WEE1: variants seen among roughly 807,000 people sequenced by gnomAD.
WEE1 encodes wee1-like protein kinase.
Under a neutral mutation model 68.8 loss-of-function variants are expected in WEE1, and 16 were observed. The ratio of observed to expected loss-of-function variants is 0.23; its 90% CI spans 0.16 to 0.35. The LOEUF is 0.35. Among genes scored for constraint, WEE1 ranks in the 10% least tolerant of loss-of-function variants. WEE1 has a pLI of 1.00. For missense variants in WEE1, 651 were observed against 824.1 expected (o/e 0.79, Z 2.57); for synonymous variants, 349 against 318.7 (o/e 1.09, Z -1.01).
intron 1 of WEE1, chr11:9,575,083 A>G: frequency 7.1e-6 from 7 of 985,530 alleles, no homozygotes; most frequent in Non-Finnish European, 8.4e-6. Flanking sequence ...CTACAGACTC[A>G]TCCTAAGTCC....
chr11:9,574,534 C>T lies in WEE1; in HGVS notation c.576+25C>T. 20 of 1,188,450 alleles carry T rather than the reference C, an allele frequency of 1.7e-5. No individual in the cohort carries two copies. The highest frequency in any genetic ancestry group is 2.0e-5 in the Non-Finnish European group (19 of 965,966). 73.6% of individuals were successfully genotyped at this position (1,188,450 alleles called of 1,614,324 possible). A position where few individuals can be genotyped will look rare whatever the true frequency, so the allele number is the denominator to read the frequency against. ...GGTGAGAGCGGCGGGCGCGGGCACC[C>T]GGCGGCCGGGGCCGCGGCGCCGGAG... On this transcript the variant is annotated intron_variant, in intron 1 of 10. Transcript: ENST00000450114. This position sits in a 1 kb window ranked among gnomAD's most constrained non-coding sequence, Gnocchi z 4.9.
chr11:9,589,971 T>G lies in WEE1; in HGVS notation c.*1369T>G, dbSNP rs904910909. ...TTCAAATTATTAAGTGAATATAATA[T>G]GATTCATAACTTTCTGATTTGTACT... On this transcript the variant is annotated 3_prime_UTR_variant, in exon 11 of 11. Coordinates refer to ENST00000450114, the MANE Select transcript of WEE1 (RefSeq NM_003390.4). 6.5e-6 allele frequency: 1 copy of G among 153,890 alleles called. No homozygotes were observed. Among genetic ancestry groups the G allele is most frequent in the Non-Finnish European group, 1.4e-5 (1 of 69,744 alleles). The allele number at this position is 153,890 out of a possible 1,614,324, so 9.5% of individuals were successfully genotyped here.
At chr11:9,581,441 G>A in intron 5 of WEE1, 91 bp from the exon 6 acceptor site, 1 of 1,229,966 alleles carries the variant, frequency 8.1e-7, no homozygotes, top group Non-Finnish European at 1.1e-6. Flanking sequence ...TTTCTTGGTT[G>A]AGATTGGTTG....
In WEE1 at chr11:9,585,174, A is replaced by G. The variant is rs912595519; in HGVS notation, c.1289-84A>G. The G allele has an allele frequency of 6.9e-5, 74 of 1,072,760 alleles. No homozygotes were observed. In the Admixed American group the frequency reaches 1.4e-3, roughly 21 times the overall value. 66.5% of individuals were successfully genotyped at this position (1,072,760 alleles called of 1,614,324 possible). On this transcript the variant is annotated intron_variant, in intron 6 of 10. Coordinates refer to ENST00000450114, the MANE Select transcript of WEE1 (RefSeq NM_003390.4). Reference sequence around the variant, plus strand: ...GAGAATCGGCATTTTAAAAAGCATTATGGATGATTCTGGTATATGATCTTG... The same window carrying G: ...GAGAATCGGCATTTTAAAAAGCATTGTGGATGATTCTGGTATATGATCTTG...
At chr11:9,578,643 C>G (rs569963357) in intron 5 of WEE1, 1 of 152,296 alleles carries the variant, frequency 6.6e-6, no homozygotes, top group East Asian at 1.9e-4. Context: ...TTCCTTCTTT[C>G]TCTTTCTCAC....
At chr11:9,575,269 C>T (rs1214989944) in intron 1 of WEE1, 1 of 986,096 alleles carries the variant, frequency 1.0e-6, no homozygotes, top group African/African-American at 1.7e-5. Context: ...CCTTCGAGTA[C>T]TGCGCAGATG....
In WEE1 at chr11:9,589,189, A is replaced by G. The variant is rs1225568381; in HGVS notation, c.*587A>G. ...GTCTTTGCTGTAAACTTGTAGCATT[A>G]AACAATCATTGTTGTTAATAGGTCT... On this transcript the variant is annotated 3_prime_UTR_variant, in exon 11 of 11. Coordinates refer to ENST00000450114, the MANE Select transcript of WEE1 (RefSeq NM_003390.4). The G allele has an allele frequency of 1.0e-6, 1 of 985,640 alleles. No homozygotes were observed. The highest frequency in any genetic ancestry group is 1.2e-6 in the Non-Finnish European group (1 of 829,856). The allele number at this position is 985,640 out of a possible 1,614,324, so 61.1% of individuals were successfully genotyped here. A position where few individuals can be genotyped will look rare whatever the true frequency, so the allele number is the denominator to read the frequency against.
intron 5 of WEE1, 150 bp from the exon 6 acceptor site, chr11:9,581,382 T>C (rs1270219441): frequency 1.2e-5 from 8 of 649,230 alleles, no homozygotes; most frequent in Non-Finnish European, 1.8e-5. Flanking sequence ...AACAATAAAA[T>C]TTTGATTTCA....
At position 9,589,599 on chromosome 11, in the gene WEE1, G is replaced by T; in HGVS notation, c.*997G>T. Reference sequence around the variant, plus strand: ...TTTTCACAAAATATATTTTATCTGTGATTAGCCATTTGACTAATAATACTG... The same window carrying T: ...TTTTCACAAAATATATTTTATCTGTTATTAGCCATTTGACTAATAATACTG... On this transcript the variant is annotated 3_prime_UTR_variant, in exon 11 of 11. Transcript: ENST00000450114. The T allele has an allele frequency of 1.0e-6, 1 of 985,668 alleles. No individual in the cohort carries two copies. The highest frequency in any genetic ancestry group is 1.2e-6 in the Non-Finnish European group (1 of 829,852). The allele number at this position is 985,668 out of a possible 1,614,324, so 61.1% of individuals were successfully genotyped here.
Position 9,585,439 on chromosome 11 carries a change from T to C in WEE1, c.1385-3T>C, listed in dbSNP as rs779428631. On this transcript the variant is annotated splice_region_variant and splice_polypyrimidine_tract_variant and intron_variant, in intron 7 of 10. Transcript: ENST00000450114. Reference sequence around the variant, plus strand: ...TTCACTGTAAGTTTTTCAATACTTCTAGGTGATCTTGGGCATGTAACAAGG... The same window carrying C: ...TTCACTGTAAGTTTTTCAATACTTCCAGGTGATCTTGGGCATGTAACAAGG... The C allele has an allele frequency of 2.6e-5, 42 of 1,608,252 alleles. No homozygotes were observed. The highest frequency in any genetic ancestry group is 3.5e-5 in the Non-Finnish European group (41 of 1,178,360).
chr11:9,575,509 G>A (rs1043139041), intron 1 of WEE1: 1 of 662,868 alleles, frequency 1.5e-6, no homozygotes, highest in Non-Finnish European at 2.0e-6. Context: ...GTCCAGCGGA[G>A]GTGGCTATGG....
intron 5 of WEE1, 75 bp downstream of exon 5, chr11:9,577,338 T>G: frequency 6.5e-7 from 1 of 1,530,752 alleles, no homozygotes; most frequent in South Asian, 1.2e-5. Context: ...ATCTAAAATC[T>G]TGCTCTATTT....
chr11:9,584,286 C>G (rs866060157), intron 6 of WEE1, among the ~76,000 whole-genome samples: 1 of 152,084 alleles, frequency 6.6e-6, no homozygotes, highest in Admixed American at 6.5e-5. Context: ...CAGGCATGCA[C>G]CACCATTCCC....
At position 9,581,569 on chromosome 11, in the gene WEE1, A is replaced by T; in HGVS notation, c.1179A>T (p.Arg393Ser). The change falls in exon 6 of 11, where the codon AGA (arginine) becomes AGT (serine). Residue 393 changes from arginine (R) to serine (S), a missense_variant. By Grantham distance (110) the Arg-to-Ser change is moderately radical (BLOSUM62 -1). Coordinates refer to ENST00000450114, the MANE Select transcript of WEE1 (RefSeq NM_003390.4). Reference protein sequence around the residue: ...SLADAISENYRIMSYFKEAEL... With the variant: ...SLADAISENYSIMSYFKEAEL... ...CTGATGCTATAAGTGAAAACTACAGAATCATGAGTTACTTTAAAGAAGCAG... is the reference window on the plus strand; with the variant it reads ...CTGATGCTATAAGTGAAAACTACAGTATCATGAGTTACTTTAAAGAAGCAG... 6.2e-7 allele frequency: 1 copy of T among 1,611,274 alleles called. No individual in the cohort carries two copies. Among genetic ancestry groups the T allele is most frequent in the East Asian group, 2.2e-5 (1 of 44,848 alleles).
intron 8 of WEE1, 23 bp from the exon 9 acceptor site, chr11:9,586,425 TA>T (rs747273403): frequency 6.3e-7 from 1 of 1,595,798 alleles, no homozygotes; most frequent in African/African-American, 1.3e-5. Flanking sequence ...TACATTCCTT[TA>T]AAAAATTGTT....
chr11:9,576,374 TA>T lies in WEE1; in HGVS notation c.846+83del. 6.5e-7 allele frequency: 1 copy of T among 1,544,398 alleles called. No individual in the cohort carries two copies. Among genetic ancestry groups the T allele is most frequent in the South Asian group, 1.2e-5 (1 of 83,062 alleles). On this transcript the variant is annotated intron_variant, in intron 3 of 10. Transcript: ENST00000450114. The surrounding 1 kb of genome is among the most constrained non-coding windows in gnomAD (Gnocchi z 4.3). ...ATGCTATGAATATGTTAATAAGCAT[TA>T]ACACATAAGGTAGAATGGTTTTTAA...
At chr11:9,575,456 C>A (rs1002929049) in intron 1 of WEE1, 1 of 1,002,670 alleles carries the variant, frequency 1.0e-6, no homozygotes, top group Non-Finnish European at 1.2e-6. Context: ...TGTTTATTGG[C>A]CGACTTGCTC....
chr11:9,586,938 C>T, intron 10 of WEE1, 82 bp downstream of exon 10: 1 of 1,440,928 alleles, frequency 6.9e-7, no homozygotes, highest in Admixed American at 2.5e-5. Flanking sequence ...TTTAAGCTTT[C>T]TGTCAACAAA....
intron 6 of WEE1, 50 bp downstream of exon 6, chr11:9,581,728 A>T (rs1199660983): frequency 6.6e-7 from 1 of 1,520,932 alleles, no homozygotes; most frequent in Non-Finnish European, 8.8e-7. Context: ...TATAGAGAAT[A>T]AATTACTTCA....
Sources: gnomAD v4.1 joint callset for allele counts (sites outside exome capture counted in the v4.1 genomes callset) on GRCh38, gnomAD v4.1.1 for gene constraint, Gnocchi (gnomAD v3.1) non-coding constraint, MANE v1.5 for transcripts, NCBI Gene and HGNC (gene_info 2026-07-23, HGNC 2026-07-21) for gene names.